The following KCNMA1 variants were observed in gnomAD, a reference collection of about 807,000 sequenced individuals.
KCNMA1 encodes Calcium-activated potassium channel subunit alpha-1.
Under a neutral mutation model 140.0 loss-of-function variants are expected in KCNMA1, and 29 were observed. The ratio of observed to expected loss-of-function variants is 0.21; its 90% CI spans 0.15 to 0.28. KCNMA1 has a LOEUF of 0.28. Ranked by LOEUF, KCNMA1 falls within the 10% of genes least tolerant of loss-of-function variation. The pLI, the probability that KCNMA1 is intolerant of heterozygous loss-of-function variation, is 1.00. For synonymous variants in KCNMA1, 612 were observed against 611.9 expected (o/e 1.00, Z 0.00); for missense variants, 880 against 1,602.2 (o/e 0.55, Z 7.70).
At chr10:77,465,755 A>G (rs187907165) in intron 1 of KCNMA1, among the ~76,000 whole-genome samples, 276 of 152,220 alleles carry the variant, frequency 1.8e-3, no homozygotes, top group African/African-American at 5.8e-3. Context: ...TCCTTTATAC[A>G]TTACATTAAG....
chr10:77,597,829 G>T (rs761450857), intron 1 of KCNMA1, among the ~76,000 whole-genome samples: 3 of 152,162 alleles, frequency 2.0e-5, no homozygotes, highest in Non-Finnish European at 4.4e-5. Flanking sequence ...TGGTCTCTGT[G>T]CAAAACTGAC....
intron 14 of KCNMA1, among the ~76,000 whole-genome samples, chr10:77,066,505 A>G (rs766960760): frequency 3.3e-5 from 5 of 152,208 alleles, no homozygotes; most frequent in Non-Finnish European, 7.3e-5. Context: ...TGGAATGGTA[A>G]GTCTGAGAGG....
At chr10:77,599,677 A>G (rs2082031252) in intron 1 of KCNMA1, among the ~76,000 whole-genome samples, 1 of 152,220 alleles carries the variant, frequency 6.6e-6, no homozygotes, top group Admixed American at 6.5e-5. Context: ...ACTGGATCAT[A>G]TTGAATGTCA....
At chr10:77,434,813 A>G (rs930141166) in intron 1 of KCNMA1, among the ~76,000 whole-genome samples, 2 of 152,192 alleles carry the variant, frequency 1.3e-5, no homozygotes, top group African/African-American at 4.8e-5. Context: ...CGGGTTTTGG[A>G]CTAATCTAGA....
chr10:77,127,835 G>A (rs574310443), intron 5 of KCNMA1, among the ~76,000 whole-genome samples: 2 of 152,166 alleles, frequency 1.3e-5, no homozygotes, highest in African/African-American at 2.4e-5. Flanking sequence ...TTAACCAAGT[G>A]TGGTGGTATG....
chr10:77,397,992 T>C (rs760644605), intron 2 of KCNMA1, among the ~76,000 whole-genome samples: 7 of 151,816 alleles, frequency 4.6e-5, no homozygotes, highest in Admixed American at 2.0e-4. Flanking sequence ...TGTGTTTGTA[T>C]ATATATAAAT....
At chr10:77,271,771 G>C (rs1429274397) in intron 2 of KCNMA1, among the ~76,000 whole-genome samples, 2 of 152,062 alleles carry the variant, frequency 1.3e-5, no homozygotes, top group African/African-American at 4.8e-5. Context: ...CCTTCTGGCT[G>C]CCAAAATTAT....
At chr10:76,968,646 G>A (rs965783866) in intron 20 of KCNMA1, among the ~76,000 whole-genome samples, 2 of 152,192 alleles carry the variant, frequency 1.3e-5, no homozygotes, top group African/African-American at 4.8e-5. Flanking sequence ...AAAACGAAAA[G>A]CTTGGCAGTT....
intron 2 of KCNMA1, among the ~76,000 whole-genome samples, chr10:77,293,409 C>G (rs2073969842): frequency 6.6e-6 from 1 of 152,052 alleles, no homozygotes; most frequent in South Asian, 2.1e-4. Context: ...AACGGTGGTT[C>G]CCTTGATATC....
downstream of KCNMA1, among the ~76,000 whole-genome samples, chr10:76,882,962 C>A (rs951744614): frequency 2.6e-5 from 4 of 152,210 alleles, no homozygotes; most frequent in African/African-American, 7.2e-5. Context: ...TCCTCTTTCT[C>A]CTTCAAGGAG....
intron 1 of KCNMA1, among the ~76,000 whole-genome samples, chr10:77,437,282 G>A (rs989074822): frequency 1.3e-5 from 2 of 152,066 alleles, no homozygotes; most frequent in African/African-American, 4.8e-5. Flanking sequence ...AAAAGCACAA[G>A]ACAGGGAGAA....
intron 1 of KCNMA1, among the ~76,000 whole-genome samples, chr10:77,503,746 A>G (rs974455323): frequency 1.3e-5 from 2 of 152,154 alleles, no homozygotes; most frequent in Admixed American, 1.3e-4. Context: ...CACTCCTTAA[A>G]CAATTTCTGA....
At chr10:77,183,992 T>C (rs1167696327) in intron 4 of KCNMA1, among the ~76,000 whole-genome samples, 1 of 152,048 alleles carries the variant, frequency 6.6e-6, no homozygotes, top group African/African-American at 2.4e-5. Context: ...ATAGGGAAGA[T>C]TGGGTGATTT....
intron 3 of KCNMA1, chr10:77,249,373 G>C (rs2059261016): frequency 6.6e-6 from 1 of 151,866 alleles, no homozygotes; most frequent in Non-Finnish European, 1.5e-5. Context: ...AGAACACCAG[G>C]ATCTACAGAA....
At chr10:77,203,165 A>G (rs2042981043) in intron 3 of KCNMA1, among the ~76,000 whole-genome samples, 1 of 152,182 alleles carries the variant, frequency 6.6e-6, no homozygotes, top group Admixed American at 6.5e-5. Context: ...GAACAAATGA[A>G]TTTTTCAAAG....
chr10:77,531,787 C>A (rs1159413036), intron 1 of KCNMA1, among the ~76,000 whole-genome samples: 2 of 152,218 alleles, frequency 1.3e-5, no homozygotes, highest in Non-Finnish European at 1.5e-5. Flanking sequence ...TGACCCCTCA[C>A]AAGACAGCAA....
At chr10:76,877,838 T>A (rs777350970) in exon 30 of KCNMA1, 1 of 1,608,762 alleles carries the variant, frequency 6.2e-7, no homozygotes, top group Admixed American at 1.7e-5. Flanking sequence ...TGGGCTTGAT[T>A]TGAATGTTTC....
chr10:76,982,973 C>T (rs1241057918), intron 19 of KCNMA1, among the ~76,000 whole-genome samples: 3 of 152,174 alleles, frequency 2.0e-5, no homozygotes, highest in Admixed American at 2.0e-4. Context: ...TCCCGTGAAA[C>T]TCACAAGGCC....
chr10:77,600,180 G>T (rs1223948600), intron 1 of KCNMA1, among the ~76,000 whole-genome samples: 1 of 152,186 alleles, frequency 6.6e-6, no homozygotes, highest in East Asian at 1.9e-4. Context: ...AACATACCTA[G>T]GAGGCAGTGA....
Sources: gnomAD v4.1 joint callset for allele counts (sites outside exome capture counted in the v4.1 genomes callset) on GRCh38, gnomAD v4.1.1 for gene constraint, MANE v1.5 for transcripts, NCBI Gene and HGNC (gene_info 2026-07-23, HGNC 2026-07-21) for gene names.